DOCK9: variants seen among roughly 807,000 people sequenced by gnomAD.
The protein encoded by DOCK9 is dedicator of cytokinesis protein 9.
DOCK9 carries 89 observed loss-of-function variants against 263.3 expected under a neutral mutation model. The observed-to-expected ratio is 0.34, with a 90% CI of 0.28 to 0.40. DOCK9 has a LOEUF of 0.40. Among genes scored for constraint, DOCK9 ranks in the 10% least tolerant of loss-of-function variants. The pLI, the probability that DOCK9 is intolerant of heterozygous loss-of-function variation, is 1.00. For synonymous variants in DOCK9, 976 were observed against 973.1 expected, an observed-to-expected ratio of 1.00 and a Z score of -0.06; for missense variants, 2,140 against 2,603.4, an observed-to-expected ratio of 0.82 and a Z score of 3.87.
At chr13:98,914,534 T>C (rs564204104) in intron 8 of DOCK9, 139 bp from the exon 9 acceptor site, 10 of 671,280 alleles carry the variant, frequency 1.5e-5, no homozygotes, top group African/African-American at 1.5e-4. Context: ...TGGGAAACAC[T>C]TGGGGTGCTT....
chr13:98,875,506 A>G (rs1003960780), intron 27 of DOCK9, among the ~76,000 whole-genome samples: 5 of 152,068 alleles, frequency 3.3e-5, no homozygotes, highest in African/African-American at 9.7e-5. Context: ...AGGTTTTCCA[A>G]CCTCCTTTCT....
At chr13:98,967,140 C>T (rs574525114) in intron 1 of DOCK9, among the ~76,000 whole-genome samples, 1 of 152,322 alleles carries the variant, frequency 6.6e-6, no homozygotes, top group South Asian at 2.1e-4. Context: ...GGCTATGTCA[C>T]CTTTGGACAA....
chr13:98,926,831 G>A (rs1360903362), intron 3 of DOCK9, among the ~76,000 whole-genome samples: 2 of 152,240 alleles, frequency 1.3e-5, no homozygotes, highest in Admixed American at 6.5e-5. Flanking sequence ...GTCGATAAAT[G>A]TATTTATGCC....
At chr13:98,874,077 G>A (rs1485236558) in intron 27 of DOCK9, among the ~76,000 whole-genome samples, 14 of 152,328 alleles carry the variant, frequency 9.2e-5, no homozygotes, top group Non-Finnish European at 1.5e-5. Context: ...AGTTTGGTGA[G>A]TCTTGACAAG....
intron 13 of DOCK9, among the ~76,000 whole-genome samples, chr13:98,899,516 TC>T (rs2047948341): frequency 6.6e-6 from 1 of 152,182 alleles, no homozygotes; most frequent in Non-Finnish European, 1.5e-5. Context: ...GGAAGAGATG[TC>T]AGGGAATCAT....
At chr13:98,981,205 T>A (rs1809220651), upstream of DOCK9, among the ~76,000 whole-genome samples, 1 of 151,874 alleles carries the variant, frequency 6.6e-6, no homozygotes, top group Non-Finnish European at 1.5e-5. Context: ...TACAAGCACA[T>A]GCCACCACAC....
intron 1 of DOCK9, among the ~76,000 whole-genome samples, chr13:98,963,721 G>A (rs1255999797): frequency 1.3e-5 from 2 of 152,224 alleles, no homozygotes; most frequent in Non-Finnish European, 2.9e-5. Flanking sequence ...CTACTTGATA[G>A]GCTGAGATAA....
Position 98,902,367 on chromosome 13 carries a change from G to A in DOCK9, c.1301C>T (p.Ala434Val), listed in dbSNP as rs62620184. 0.044 allele frequency: 70,541 copies of A among 1,613,954 alleles called. 1,873 individuals are homozygous for A. The highest frequency in any genetic ancestry group is 0.087 in the South Asian group (7,890 of 91,074). Residue 434 changes from alanine (A) to valine (V), a missense_variant, in exon 12 of 53, where the codon GCG (alanine) becomes GTG (valine). Physicochemically the swap from Ala to Val is moderately conservative, Grantham distance 64. Transcript: ENST00000682017. Reference sequence around the variant, plus strand: ...GCTCTGCCCACTGCCATTCATCAGCGCCGGGGACGTGGTGGCGAGCATTTG... The same window carrying A: ...GCTCTGCCCACTGCCATTCATCAGCACCGGGGACGTGGTGGCGAGCATTTG... ...VRQMLATTSPALMNGSGQSPS... is the reference protein window; with the variant it reads ...VRQMLATTSPVLMNGSGQSPS...
intron 2 of DOCK9, among the ~76,000 whole-genome samples, chr13:98,937,922 T>C (rs1202513773): frequency 1.3e-5 from 2 of 152,224 alleles, no homozygotes; most frequent in East Asian, 1.9e-4. Context: ...TGAGCCACTG[T>C]GGGAAGCCAC....
rs146581245 is a variant in DOCK9, at chr13:98,975,472, TACACAC to T, written c.126+2306_126+2311del. ...CATAATAGTATATTCTCTAAACACATACACACACACACACACACACACACACACACA... is the reference window on the plus strand; with the variant it reads ...CATAATAGTATATTCTCTAAACACATACACACACACACACACACACACACA... On this transcript the variant is annotated intron_variant, in intron 1 of 52. Coordinates refer to ENST00000682017, the MANE Select transcript of DOCK9 (RefSeq NM_001366683.2). Among the ~76,000 whole-genome samples, 413 of 142,510 alleles carry T rather than the reference TACACAC, an allele frequency of 2.9e-3. 3 individuals carry two copies. Among genetic ancestry groups the T allele is most frequent in the Admixed American group, 0.016 (232 of 14,586 alleles). The allele number at this position is 142,510 out of a possible 152,430, so 93.5% of individuals were successfully genotyped here. A position where few individuals can be genotyped will look rare whatever the true frequency, so the allele number is the denominator to read the frequency against.
chr13:98,807,826 T>C lies in DOCK9; in HGVS notation c.5368-19A>G. ...AGAATCCCTGTGACATAAAGCACAA[T>C]TAGAGCTATCCCTGAACGTAAGCCC... On this transcript the variant is annotated intron_variant, in intron 47 of 52. Coordinates refer to ENST00000682017, the MANE Select transcript of DOCK9 (RefSeq NM_001366683.2). The C allele has an allele frequency of 6.3e-7, 1 of 1,599,514 alleles. No homozygotes were observed. Among genetic ancestry groups the C allele is most frequent in the East Asian group, 2.2e-5 (1 of 44,662 alleles).
rs2140220905 is a variant in DOCK9, at chr13:98,809,336, T to C, written c.5367+16A>G. On this transcript the variant is annotated intron_variant, in intron 47 of 52. Transcript: ENST00000682017. ...AAAGGACTTAGGACAGTCTGCAGAATGGACAGGAGGCTCACCTGCCCGAAG... is the reference window on the plus strand; with the variant it reads ...AAAGGACTTAGGACAGTCTGCAGAACGGACAGGAGGCTCACCTGCCCGAAG... The C allele has an allele frequency of 2.5e-6, 4 of 1,600,882 alleles. No homozygotes were observed. Among genetic ancestry groups the C allele is most frequent in the African/African-American group, 1.3e-5 (1 of 74,602 alleles).
intron 30 of DOCK9, among the ~76,000 whole-genome samples, chr13:98,863,965 T>A (rs1243331476): frequency 6.6e-6 from 1 of 152,240 alleles, no homozygotes; most frequent in Non-Finnish European, 1.5e-5. Context: ...ATAACAAACA[T>A]GTAATTAAAT....
upstream of DOCK9, among the ~76,000 whole-genome samples, chr13:98,979,620 AT>A (rs1327258825): frequency 2.6e-5 from 4 of 151,900 alleles, no homozygotes; most frequent in South Asian, 4.2e-4. Context: ...GGCTTCTATA[AT>A]TTTTTTTAAA....
At chr13:99,015,489 A>G (rs765307206) in intron 1 of DOCK9, 5 of 1,597,834 alleles carry the variant, frequency 3.1e-6, no homozygotes, top group South Asian at 2.2e-5. Context: ...CTTTTGTCCA[A>G]TTGTATGCTG....
chr13:98,903,098 T>G lies in DOCK9; in HGVS notation c.1050A>C (p.Ser350=), dbSNP rs2048538983. The G allele has an allele frequency of 2.0e-6, 3 of 1,511,296 alleles. No individual in the cohort carries two copies. Among genetic ancestry groups the G allele is most frequent in the Non-Finnish European group, 2.6e-6 (3 of 1,134,988 alleles). The allele number at this position is 1,511,296 out of a possible 1,614,324, so 93.6% of individuals were successfully genotyped here. A position where few individuals can be genotyped will look rare whatever the true frequency, so the allele number is the denominator to read the frequency against. ...LDPDAQKLDF[S]SAEPEVKSFE... ...ATGACTTCACTTCTGGCTCAGCTGA[T>G]GAGAAGTCAAGCTTCTTTAAAAGAA... The change falls in exon 11 of 53, where the codon TCA becomes TCC. Residue 350 remains serine, a synonymous_variant. Transcript: ENST00000682017.
intron 1 of DOCK9, among the ~76,000 whole-genome samples, chr13:99,000,042 A>G (rs1035537184): frequency 6.6e-6 from 1 of 152,214 alleles, no homozygotes; most frequent in South Asian, 2.1e-4. Context: ...GGGAGTAGCT[A>G]AAATGTTTAG....
At chr13:98,856,092 A>G in intron 33 of DOCK9, 61 bp from the exon 34 acceptor site, 1 of 1,557,370 alleles carries the variant, frequency 6.4e-7, no homozygotes, top group Non-Finnish European at 8.8e-7. Context: ...AAAGATGAGT[A>G]CTGAACTTTA....
At chr13:98,964,985 C>T (rs1356458762) in intron 1 of DOCK9, among the ~76,000 whole-genome samples, 3 of 152,234 alleles carry the variant, frequency 2.0e-5, no homozygotes, top group Non-Finnish European at 4.4e-5. Context: ...CCATACAGCC[C>T]TCAGTCTCTC....
Sources: allele counts gnomAD v4.1 joint callset (sites outside exome capture counted in the v4.1 genomes callset), GRCh38; gene constraint gnomAD v4.1.1; transcripts MANE v1.5; gene names NCBI Gene and HGNC (gene_info 2026-07-23, HGNC 2026-07-21).